The following LRMDA variants were observed in gnomAD, a reference collection of about 807,000 sequenced individuals.
LRMDA encodes the protein leucine rich melanocyte differentiation associated.
A neutral mutation model predicts 29.8 loss-of-function variants in LRMDA; 18 were observed. The observed-to-expected ratio is 0.60, with a 90% confidence interval of 0.42 to 0.90. The LOEUF (loss-of-function observed/expected upper bound fraction) is 0.90, where lower values mean the gene tolerates loss of function less well. Ranked by LOEUF, LRMDA falls within the 40% of genes least tolerant of loss-of-function variation. The probability of loss-of-function intolerance (pLI) is 0.00; values close to 1 mark genes in which losing one functional copy is unlikely to be tolerated. For synonymous variants in LRMDA, 125 were observed against 109.4 expected, an observed-to-expected ratio of 1.14 and a Z score of -0.89; for missense variants, 273 against 273.9, an observed-to-expected ratio of 1.00 and a Z score of 0.02.
At chr10:75,916,437 A>G (rs1845936446) in intron 2 of LRMDA, among the ~76,000 whole-genome samples, 2 of 151,960 alleles carry the variant, frequency 1.3e-5, no homozygotes, top group African/African-American at 2.4e-5. Context: ...TGGGATGGCT[A>G]TTTCCCAGCG....
chr10:76,301,434 G>A (rs887795027), intron 5 of LRMDA, among the ~76,000 whole-genome samples: 3 of 152,222 alleles, frequency 2.0e-5, no homozygotes, highest in Admixed American at 6.5e-5. Flanking sequence ...ACGAAGAAGC[G>A]CAAGCTGGCT....
At chr10:75,692,563 ACGTG>A (rs1265850008) in intron 2 of LRMDA, among the ~76,000 whole-genome samples, 1 of 101,188 alleles carries the variant, frequency 9.9e-6, no homozygotes, top group Non-Finnish European at 2.0e-5. Flanking sequence ...ACATATGTAT[ACGTG>A]TGTGTGTGTG....
intron 2 of LRMDA, among the ~76,000 whole-genome samples, chr10:75,755,701 G>T (rs1843023300): frequency 6.6e-6 from 1 of 152,244 alleles, no homozygotes; most frequent in Admixed American, 6.5e-5. Flanking sequence ...GCAATGCAAA[G>T]GTCCTAGGCT....
chr10:75,627,056 T>C (rs1048540553), intron 2 of LRMDA, among the ~76,000 whole-genome samples: 11 of 152,202 alleles, frequency 7.2e-5, no homozygotes, highest in African/African-American at 2.7e-4. Flanking sequence ...GCTGCATTGG[T>C]TCATGCTATA....
intron 2 of LRMDA, among the ~76,000 whole-genome samples, chr10:75,820,073 G>A (rs2132279982): frequency 6.6e-6 from 1 of 152,302 alleles, no homozygotes; most frequent in East Asian, 1.9e-4. Context: ...GGGGACATCA[G>A]TAATCTACTG....
intron 2 of LRMDA, among the ~76,000 whole-genome samples, chr10:75,893,261 A>G (rs1329137755): frequency 6.6e-6 from 1 of 152,148 alleles, no homozygotes; most frequent in Non-Finnish European, 1.5e-5. Context: ...AGGCATATAG[A>G]TGACACCAAA....
chr10:76,415,437 A>G (rs1298798768), intron 6 of LRMDA, among the ~76,000 whole-genome samples: 3 of 152,280 alleles, frequency 2.0e-5, no homozygotes, highest in African/African-American at 7.2e-5. Flanking sequence ...TCTGAGAATA[A>G]GGAGTCTTGG....
At chr10:75,547,994 G>A (rs932313057) in intron 2 of LRMDA, among the ~76,000 whole-genome samples, 1 of 151,920 alleles carries the variant, frequency 6.6e-6, no homozygotes, top group Non-Finnish European at 1.5e-5. Context: ...TTTATCAAGC[G>A]CTCTCCTAAT....
At chr10:75,999,237 T>C (rs116253576) in intron 2 of LRMDA, among the ~76,000 whole-genome samples, 93 of 152,358 alleles carry the variant, frequency 6.1e-4, no homozygotes, top group African/African-American at 2.2e-3. Flanking sequence ...GCACAAGGAC[T>C]ACCTTCTTTC....
At chr10:76,495,452 TCC>T (rs2132339322) in intron 6 of LRMDA, among the ~76,000 whole-genome samples, 1 of 151,904 alleles carries the variant, frequency 6.6e-6, no homozygotes, top group East Asian at 1.9e-4. Context: ...GAGAGATTTC[TCC>T]CACTTTATTC....
At chr10:75,703,085 T>C (rs1211336697) in intron 2 of LRMDA, among the ~76,000 whole-genome samples, 1 of 152,250 alleles carries the variant, frequency 6.6e-6, no homozygotes, top group East Asian at 1.9e-4. Context: ...CGGCTCTGTT[T>C]GGATGTAAAC....
rs542297867 is a variant in LRMDA at position 75,497,825 on chromosome 10, A to G, written c.131+59331A>G. Among the ~76,000 whole-genome samples, 220 of 152,256 alleles carry G rather than the reference A, an allele frequency of 1.4e-3. 1 individual carries two copies. The highest frequency in any genetic ancestry group is 5.0e-3 in the African/African-American group (208 of 41,524). ...TTGTTGTTGAATCCTGTTGAATGTC[A>G]CTTAAGCTGTTTCCAGATTTTAGGT... On this transcript the variant is annotated intron_variant, in intron 2 of 6. Transcript: ENST00000611255.
chr10:76,168,477 G>A (rs984628990), intron 5 of LRMDA, among the ~76,000 whole-genome samples: 21 of 152,284 alleles, frequency 1.4e-4, no homozygotes, highest in African/African-American at 2.4e-4. Context: ...TGCCACTACT[G>A]TTTTGAACAA....
chr10:75,951,679 A>G (rs1014892194), intron 2 of LRMDA, among the ~76,000 whole-genome samples: 7 of 152,090 alleles, frequency 4.6e-5, no homozygotes, highest in African/African-American at 1.7e-4. Flanking sequence ...ACCCCCAAAT[A>G]GTTTTTTTTC....
intron 5 of LRMDA, among the ~76,000 whole-genome samples, chr10:76,255,573 T>G (rs2132302499): frequency 6.6e-6 from 1 of 152,298 alleles, no homozygotes; most frequent in Middle Eastern, 3.4e-3. Flanking sequence ...CAACTGTCAT[T>G]TCACATCAGA....
intron 6 of LRMDA, among the ~76,000 whole-genome samples, chr10:76,479,053 T>A (rs980799229): frequency 4.6e-5 from 7 of 151,046 alleles, no homozygotes; most frequent in East Asian, 2.0e-4. Context: ...ATAATAAAAA[T>A]ATATATATAA....
chr10:75,715,684 A>G (rs2132182148), intron 2 of LRMDA, among the ~76,000 whole-genome samples: 1 of 152,204 alleles, frequency 6.6e-6, no homozygotes, highest in South Asian at 2.1e-4. Context: ...TACCTATATA[A>G]ATATAGCTGT....
At chr10:75,490,659 G>T (rs1219149749) in intron 2 of LRMDA, among the ~76,000 whole-genome samples, 1 of 152,062 alleles carries the variant, frequency 6.6e-6, no homozygotes, top group Non-Finnish European at 1.5e-5. Flanking sequence ...TTATCCCAAG[G>T]CCTCTAGTTG....
At chr10:75,691,058 TATCTGCCATAGATATATAG>T (rs1309779530) in intron 2 of LRMDA, among the ~76,000 whole-genome samples, 2 of 138,486 alleles carry the variant, frequency 1.4e-5, no homozygotes, top group Non-Finnish European at 3.1e-5. Context: ...GGCAGATATA[TATCTGCCATAGATATATAG>T]ATCTATATAT....
Sources: allele counts gnomAD v4.1 joint callset (sites outside exome capture counted in the v4.1 genomes callset), GRCh38; gene constraint gnomAD v4.1.1; transcripts MANE v1.5; gene names NCBI Gene and HGNC (gene_info 2026-07-23, HGNC 2026-07-21).